Variants in MRTFB observed in about 807,000 individuals in gnomAD.
MRTFB encodes the protein myocardin-related transcription factor B.
A neutral mutation model predicts 104.2 loss-of-function variants in MRTFB; 29 were observed. The observed-to-expected ratio is 0.28, with a 90% CI of 0.21 to 0.38. The LOEUF is 0.38. MRTFB is among the 10% of genes least tolerant of loss of function. MRTFB has a pLI of 1.00. For missense variants in MRTFB, 1,270 were observed against 1,341.6 expected (o/e 0.95, Z 0.83); for synonymous variants, 535 against 519.5 (o/e 1.03, Z -0.41).
At chr16:14,146,693 G>A (rs139008403) in intron 3 of MRTFB, among the ~76,000 whole-genome samples, 1 of 152,282 alleles carries the variant, frequency 6.6e-6, no homozygotes, top group African/African-American at 2.4e-5. Flanking sequence ...TTTAGAGCTG[G>A]CCTTTTTTGG....
intron 3 of MRTFB, chr16:14,149,210 A>C (rs938421361): frequency 6.6e-6 from 1 of 152,196 alleles, no homozygotes. Context: ...TTTAAAGCCA[A>C]AATTCATATT....
chr16:14,022,746 C>CTTTTTTTT, the MRTFB span, among the ~76,000 whole-genome samples: 9 of 88,668 alleles, frequency 1.0e-4, no homozygotes, highest in African/African-American at 3.8e-4. Context: ...TAATACTGTT[C>CTTTTTTTT]TTTTTTTTTT....
chr16:14,164,795 G>C (rs948573265), intron 3 of MRTFB, among the ~76,000 whole-genome samples: 35 of 152,266 alleles, frequency 2.3e-4, no homozygotes, highest in South Asian at 8.3e-4. Flanking sequence ...TACGTGGCTG[G>C]AAGTGGCAGA....
intron 3 of MRTFB, among the ~76,000 whole-genome samples, chr16:14,204,596 T>C (rs1218684548): frequency 1.3e-5 from 2 of 152,226 alleles, no homozygotes; most frequent in African/African-American, 4.8e-5. Context: ...TGTTTTTATC[T>C]GTTGTGATAA....
At chr16:14,244,944 C>G (rs574637877) in intron 10 of MRTFB, among the ~76,000 whole-genome samples, 94 of 152,268 alleles carry the variant, frequency 6.2e-4, no homozygotes, top group African/African-American at 2.2e-3. Context: ...AAGATACTAT[C>G]CTGAGTGTTT....
At chr16:14,073,273 T>C (rs1197066522) in intron 1 of MRTFB, among the ~76,000 whole-genome samples, 2 of 152,226 alleles carry the variant, frequency 1.3e-5, no homozygotes, top group African/African-American at 4.8e-5. Flanking sequence ...GTCCCACCTA[T>C]GTGTTGTGTG....
In MRTFB at chr16:14,261,669, G is replaced by A. The variant is rs1006404981; in HGVS notation, c.*225G>A. ...CATAGCACAGGGCCTTCTGAAAATCGCACTTGTCAAAGACGACTCATCTAT... is the reference window on the plus strand; with the variant it reads ...CATAGCACAGGGCCTTCTGAAAATCACACTTGTCAAAGACGACTCATCTAT... On this transcript the variant is annotated 3_prime_UTR_variant, in exon 17 of 17. Transcript: ENST00000571589. The A allele has an allele frequency of 4.4e-6, 2 of 458,994 alleles. No individual in the cohort carries two copies. The highest frequency in any genetic ancestry group is 3.3e-5 in the East Asian group (1 of 30,002). The allele number at this position is 458,994 out of a possible 1,614,324, so 28.4% of individuals were successfully genotyped here.
intron 2 of MRTFB, among the ~76,000 whole-genome samples, chr16:14,099,375 T>C: frequency 6.8e-6 from 1 of 146,424 alleles, no homozygotes; most frequent in Non-Finnish European, 1.5e-5. Flanking sequence ...GTGGGTTTTT[T>C]TGGTGGGTTT....
chr16:14,252,603 C>A, intron 15 of MRTFB, 101 bp downstream of exon 15: 5 of 1,337,360 alleles, frequency 3.7e-6, no homozygotes, highest in East Asian at 2.6e-5. Flanking sequence ...AACTGACTTG[C>A]CTCAATAGAA....
At chr16:14,017,352 G>A in the MRTFB span, among the ~76,000 whole-genome samples, 9 of 151,042 alleles carry the variant, frequency 6.0e-5, no homozygotes, top group Admixed American at 1.3e-4. Context: ...CACCGCGCCC[G>A]GCCTGCTGCA....
rs151070586 is a variant in MRTFB at position 14,207,068 on chromosome 16, C to G, written c.155-3175C>G. ...TTCACTGCTACTGCTGCTGCTCTTT[C>G]CCATGGATTTGTACCCCATGCAGTA... On this transcript the variant is annotated intron_variant, in intron 3 of 16. Transcript: ENST00000571589. Among the ~76,000 whole-genome samples the G allele has an allele frequency of 3.7e-3, 565 of 152,284 alleles. 3 individuals are homozygous for G. Among genetic ancestry groups the G allele is most frequent in the African/African-American group, 0.013 (532 of 41,546 alleles).
chr16:14,049,768 T>C, the MRTFB span, among the ~76,000 whole-genome samples: 2 of 152,244 alleles, frequency 1.3e-5, no homozygotes, highest in East Asian at 3.8e-4. Flanking sequence ...AGTGTCACTC[T>C]TGTTGCCAGG....
chr16:14,089,415 T>G (rs1457384711), intron 2 of MRTFB, among the ~76,000 whole-genome samples: 2 of 152,226 alleles, frequency 1.3e-5, no homozygotes, highest in Non-Finnish European at 2.9e-5. Context: ...TATGTGACCT[T>G]TTGTGTCTGG....
intron 8 of MRTFB, among the ~76,000 whole-genome samples, chr16:14,227,278 A>T (rs116380373): frequency 0.039 from 5,445 of 138,700 alleles, 334 homozygotes; most frequent in African/African-American, 0.17. Flanking sequence ...GCTTGTTGTT[A>T]AAAAAACAAA....
intron 3 of MRTFB, among the ~76,000 whole-genome samples, chr16:14,179,632 AG>A (rs2039701722): frequency 2.0e-5 from 3 of 152,210 alleles, no homozygotes; most frequent in Admixed American, 2.0e-4. Flanking sequence ...GGGATAAGCA[AG>A]GGGCAATGGC....
chr16:14,135,551 G>A (rs367777832), intron 2 of MRTFB, among the ~76,000 whole-genome samples: 4 of 152,114 alleles, frequency 2.6e-5, no homozygotes, highest in Non-Finnish European at 5.9e-5. Flanking sequence ...ACTGTGGAGC[G>A]CACAAAACGA....
At chr16:14,103,242 C>T (rs752238421) in intron 2 of MRTFB, among the ~76,000 whole-genome samples, 5 of 152,158 alleles carry the variant, frequency 3.3e-5, no homozygotes, top group African/African-American at 4.8e-5. Flanking sequence ...ATAGATCTTA[C>T]TCATCTCCAT....
intron 8 of MRTFB, among the ~76,000 whole-genome samples, chr16:14,220,125 T>G (rs905958701): frequency 6.6e-6 from 1 of 152,104 alleles, no homozygotes; most frequent in Non-Finnish European, 1.5e-5. Flanking sequence ...GGCCTAGAAG[T>G]AGTATGAGGG....
chr16:14,213,827 A>G (rs545674478), intron 6 of MRTFB, among the ~76,000 whole-genome samples: 1 of 152,302 alleles, frequency 6.6e-6, no homozygotes, highest in Non-Finnish European at 1.5e-5. Context: ...TTAATGGACT[A>G]ACACTTCCAC....
Sources: gnomAD v4.1 joint callset for allele counts (sites outside exome capture counted in the v4.1 genomes callset) on GRCh38, gnomAD v4.1.1 for gene constraint, MANE v1.5 for transcripts, NCBI Gene and HGNC (gene_info 2026-07-23, HGNC 2026-07-21) for gene names.